Variants in KCNIP4 observed in about 807,000 individuals in gnomAD.
KCNIP4 encodes the protein Kv channel-interacting protein 4.
In KCNIP4, 12 loss-of-function variants were observed where a neutral mutation model predicts 34.0. The observed-to-expected ratio is 0.35, with a 90% CI of 0.23 to 0.57. The LOEUF is 0.57. Among genes scored for constraint, KCNIP4 ranks in the 20% least tolerant of loss-of-function variants. KCNIP4 has a pLI of 0.83. For missense variants in KCNIP4, 238 were observed against 311.7 expected, an observed-to-expected ratio of 0.76 and a Z score of 1.78; for synonymous variants, 124 against 102.2, an observed-to-expected ratio of 1.21 and a Z score of -1.29.
intron 1 of KCNIP4, among the ~76,000 whole-genome samples, chr4:21,579,285 G>T (rs1422070176): frequency 1.3e-5 from 2 of 151,952 alleles, no homozygotes; most frequent in African/African-American, 4.8e-5. Flanking sequence ...TAGAACACAA[G>T]TACAAGATGA....
At chr4:21,028,160 T>A (rs191396874) in intron 1 of KCNIP4, among the ~76,000 whole-genome samples, 68 of 152,004 alleles carry the variant, frequency 4.5e-4, no homozygotes, top group African/African-American at 1.6e-3. Flanking sequence ...AACCTCACCA[T>A]CTCTCCCCTC....
intron 1 of KCNIP4, among the ~76,000 whole-genome samples, chr4:20,973,291 A>G (rs1735154648): frequency 6.6e-6 from 1 of 152,194 alleles, no homozygotes; most frequent in South Asian, 2.1e-4. Context: ...CTCTTATGTT[A>G]TGGAGATGAC....
At chr4:21,872,515 G>A (rs1367380456) in intron 1 of KCNIP4, among the ~76,000 whole-genome samples, 3 of 152,244 alleles carry the variant, frequency 2.0e-5, no homozygotes, top group Admixed American at 6.5e-5. Flanking sequence ...GTACAGAATC[G>A]TGACCCAAAG....
chr4:21,279,188 C>A (rs1762622619), intron 1 of KCNIP4, among the ~76,000 whole-genome samples: 1 of 152,100 alleles, frequency 6.6e-6, no homozygotes, highest in East Asian at 1.9e-4. Context: ...TATTTTGCAT[C>A]AACGTAATGG....
intron 1 of KCNIP4, among the ~76,000 whole-genome samples, chr4:21,240,431 C>A (rs571865136): frequency 6.6e-6 from 1 of 151,986 alleles, no homozygotes; most frequent in African/African-American, 2.4e-5. Context: ...AGGAGGATTC[C>A]TGCATTCTTT....
intron 1 of KCNIP4, among the ~76,000 whole-genome samples, chr4:21,859,520 C>T (rs563292731): frequency 5.3e-5 from 8 of 151,412 alleles, no homozygotes; most frequent in East Asian, 1.9e-4. Flanking sequence ...CCCAGCTATT[C>T]GGGAGGCTGA....
intron 1 of KCNIP4, among the ~76,000 whole-genome samples, chr4:21,116,053 TC>T (rs1157851752): frequency 6.6e-6 from 1 of 152,188 alleles, no homozygotes; most frequent in Non-Finnish European, 1.5e-5. Flanking sequence ...CCTTTTTCCC[TC>T]GCCTTTACAC....
At chr4:21,629,691 T>C (rs1213236615) in intron 1 of KCNIP4, among the ~76,000 whole-genome samples, 1 of 152,116 alleles carries the variant, frequency 6.6e-6, no homozygotes, top group African/African-American at 2.4e-5. Flanking sequence ...AACAACCTGA[T>C]ACCTATAGGG....
chr4:21,457,357 C>T (rs1055128948), intron 1 of KCNIP4, among the ~76,000 whole-genome samples: 4 of 151,906 alleles, frequency 2.6e-5, no homozygotes, highest in African/African-American at 9.7e-5. Flanking sequence ...TGCCTTTTAG[C>T]GTGCCAGCTC....
chr4:20,925,852 C>A (rs1729848638), intron 1 of KCNIP4, among the ~76,000 whole-genome samples: 1 of 152,188 alleles, frequency 6.6e-6, no homozygotes, highest in African/African-American at 2.4e-5. Context: ...CAGTTAAGCA[C>A]AGACTTCCAA....
At chr4:20,823,750 T>C (rs972452787) in intron 3 of KCNIP4, among the ~76,000 whole-genome samples, 2 of 152,212 alleles carry the variant, frequency 1.3e-5, no homozygotes, top group African/African-American at 4.8e-5. Context: ...TATTCTTTTA[T>C]AGCAGTCCAA....
At chr4:21,213,273 C>T (rs1757352320) in intron 1 of KCNIP4, among the ~76,000 whole-genome samples, 1 of 151,914 alleles carries the variant, frequency 6.6e-6, no homozygotes, top group Non-Finnish European at 1.5e-5. Context: ...TTCTTTCTTT[C>T]ATTCTTTCTT....
At chr4:21,224,578 G>GTTTT (rs765906146) in intron 1 of KCNIP4, among the ~76,000 whole-genome samples, 834 of 44,902 alleles carry the variant, frequency 0.019, 296 homozygotes, top group African/African-American at 0.076. Flanking sequence ...TTTTTCAACT[G>GTTTT]TTTTTTTTTT....
chr4:21,922,444 CT>C (rs1728988347), intron 1 of KCNIP4, among the ~76,000 whole-genome samples: 1 of 152,184 alleles, frequency 6.6e-6, no homozygotes, highest in Non-Finnish European at 1.5e-5. Context: ...TAGGGAACCC[CT>C]TCCTAAAATT....
intron 1 of KCNIP4, among the ~76,000 whole-genome samples, chr4:21,210,488 C>T (rs1483968556): frequency 6.6e-6 from 1 of 152,084 alleles, no homozygotes; most frequent in Non-Finnish European, 1.5e-5. Context: ...AAAGAATTAC[C>T]AGTTACATTC....
intron 3 of KCNIP4, among the ~76,000 whole-genome samples, chr4:20,844,117 T>C (rs1934769363): frequency 6.6e-6 from 1 of 152,230 alleles, no homozygotes; most frequent in South Asian, 2.1e-4. Flanking sequence ...AAGGATAGTT[T>C]CATGTCCAGA....
intron 1 of KCNIP4, among the ~76,000 whole-genome samples, chr4:21,210,235 CTTTA>C (rs1393336349): frequency 2.0e-5 from 3 of 152,152 alleles, no homozygotes; most frequent in African/African-American, 7.2e-5. Context: ...ATTTTACTGC[CTTTA>C]TTTTTCTTTT....
intron 1 of KCNIP4, among the ~76,000 whole-genome samples, chr4:21,065,506 C>T (rs936225365): frequency 3.3e-5 from 5 of 151,894 alleles, no homozygotes; most frequent in Non-Finnish European, 7.4e-5. Flanking sequence ...TATTTAATTG[C>T]TTTAATTCAC....
At chr4:21,419,860 T>C (rs1725304369) in intron 1 of KCNIP4, among the ~76,000 whole-genome samples, 1 of 152,208 alleles carries the variant, frequency 6.6e-6, no homozygotes, top group African/African-American at 2.4e-5. Context: ...GCAGAAATTG[T>C]ACTGGCGACA....
Sources: gnomAD v4.1 joint callset for allele counts (sites outside exome capture counted in the v4.1 genomes callset) on GRCh38, gnomAD v4.1.1 for gene constraint, MANE v1.5 for transcripts, NCBI Gene and HGNC (gene_info 2026-07-23, HGNC 2026-07-21) for gene names.